CDH8: variants seen among roughly 807,000 people sequenced by gnomAD.
CDH8 encodes the protein cadherin-8.
CDH8 carries 17 observed loss-of-function variants against 68.1 expected under a neutral mutation model. The ratio of observed to expected loss-of-function variants is 0.25; its 90% CI spans 0.17 to 0.37. CDH8 has a LOEUF of 0.37. CDH8 is among the 10% of genes least tolerant of loss of function. The pLI, the probability that CDH8 is intolerant of heterozygous loss-of-function variation, is 1.00. For synonymous variants in CDH8, 372 were observed against 365.1 expected, an observed-to-expected ratio of 1.02 and a Z score of -0.21; for missense variants, 763 against 999.3, an observed-to-expected ratio of 0.76 and a Z score of 3.19.
Position 61,650,700 on chromosome 16 carries a change from TGTGTGTGAGAGAGA to T in CDH8, c.*2894_*2907del, listed in dbSNP as rs1963302925. On this transcript the variant is annotated 3_prime_UTR_variant, in exon 12 of 12. Transcript: ENST00000577390. The stretch of plus-strand genomic sequence containing the variant: ...GTGTGTGTGTGTGTGTGTGTGTGTG[TGTGTGTGAGAGAGA>T]GAGAGAGAGAGAGAGAGAAAGAGAG... The T allele has an allele frequency of 1.0e-5, 1 of 95,954 alleles. No homozygotes were observed. Among genetic ancestry groups the T allele is most frequent in the Non-Finnish European group, 2.2e-5 (1 of 46,060 alleles). 5.9% of individuals were successfully genotyped at this position (95,954 alleles called of 1,614,324 possible).
chr16:62,029,900 AT>A (rs1338061291), intron 1 of CDH8, among the ~76,000 whole-genome samples: 1 of 152,200 alleles, frequency 6.6e-6, no homozygotes, highest in Non-Finnish European at 1.5e-5. Context: ...CAGAAATTAG[AT>A]TTCTCTTCTC....
At chr16:61,892,980 G>A (rs1963803608) in intron 3 of CDH8, among the ~76,000 whole-genome samples, 1 of 152,206 alleles carries the variant, frequency 6.6e-6, no homozygotes, top group African/African-American at 2.4e-5. Context: ...TACATAGTGT[G>A]TTAGTTTCCC....
At chr16:61,706,052 A>G (rs1229849466) in intron 10 of CDH8, among the ~76,000 whole-genome samples, 2 of 152,202 alleles carry the variant, frequency 1.3e-5, no homozygotes, top group African/African-American at 2.4e-5. Context: ...TGAATAAGGG[A>G]AAAAAAGATA....
intron 2 of CDH8, among the ~76,000 whole-genome samples, chr16:62,008,771 A>G (rs1342210854): frequency 6.6e-6 from 1 of 152,176 alleles, no homozygotes; most frequent in Non-Finnish European, 1.5e-5. Flanking sequence ...AGAAGAGAGT[A>G]CTTGAAAAAC....
At chr16:61,747,764 G>C (rs1052794579) in intron 8 of CDH8, among the ~76,000 whole-genome samples, 3 of 151,256 alleles carry the variant, frequency 2.0e-5, no homozygotes, top group Non-Finnish European at 4.4e-5. Context: ...AAAAAAAATT[G>C]TTGGCACACT....
At chr16:62,020,357 A>C (rs1294544454) in intron 2 of CDH8, among the ~76,000 whole-genome samples, 2 of 152,194 alleles carry the variant, frequency 1.3e-5, no homozygotes, top group Admixed American at 1.3e-4. Flanking sequence ...AACAGTTCTG[A>C]GGAATAAACA....
chr16:61,709,665 A>G (rs1964592872), intron 10 of CDH8, among the ~76,000 whole-genome samples: 1 of 152,070 alleles, frequency 6.6e-6, no homozygotes, highest in Non-Finnish European at 1.5e-5. Flanking sequence ...AAGTGATCCC[A>G]ACAATTGGAA....
intron 9 of CDH8, among the ~76,000 whole-genome samples, chr16:61,721,526 T>A (rs1009546953): frequency 6.6e-6 from 1 of 150,920 alleles, no homozygotes; most frequent in African/African-American, 2.4e-5. Context: ...AACCCATTCA[T>A]TGCTAGTGTT....
Position 61,654,112 on chromosome 16 carries a change from A to T in CDH8, c.1907-11T>A. 1 of 1,602,962 alleles carries T rather than the reference A, an allele frequency of 6.2e-7. No homozygotes were observed. Among genetic ancestry groups the T allele is most frequent in the Non-Finnish European group, 8.5e-7 (1 of 1,174,298 alleles). On this transcript the variant is annotated splice_polypyrimidine_tract_variant and intron_variant, in intron 11 of 11. Coordinates refer to ENST00000577390, the MANE Select transcript of CDH8 (RefSeq NM_001796.5). ...ACAGCACCACGATGACTAGAGGAAA[A>T]ATATTAAATAACAGTCAGCCAAACA... is the stretch of plus-strand genomic sequence containing the variant.
intron 2 of CDH8, among the ~76,000 whole-genome samples, chr16:62,013,777 G>A (rs1055273475): frequency 5.9e-5 from 9 of 152,040 alleles, no homozygotes; most frequent in Admixed American, 3.9e-4. Context: ...CTTGTAATAG[G>A]AATCAATACT....
chr16:61,752,375 T>G (rs1286321985), intron 8 of CDH8, among the ~76,000 whole-genome samples: 1 of 152,166 alleles, frequency 6.6e-6, no homozygotes, highest in Non-Finnish European at 1.5e-5. Context: ...GACTTGCACA[T>G]GATATGGACA....
chr16:61,908,161 C>A (rs750520381), intron 2 of CDH8, among the ~76,000 whole-genome samples: 2 of 152,106 alleles, frequency 1.3e-5, no homozygotes, highest in African/African-American at 4.8e-5. Context: ...GCTTAGCACT[C>A]CTGAATCAAA....
intron 2 of CDH8, among the ~76,000 whole-genome samples, chr16:61,936,133 T>A (rs1046995435): frequency 6.6e-6 from 1 of 152,154 alleles, no homozygotes; most frequent in African/African-American, 2.4e-5. Context: ...CTAAATACAT[T>A]AAAAGAATTT....
chr16:61,875,599 G>C (rs1312874337), intron 3 of CDH8, among the ~76,000 whole-genome samples: 1 of 152,138 alleles, frequency 6.6e-6, no homozygotes, highest in Non-Finnish European at 1.5e-5. Flanking sequence ...ACAACCTTCT[G>C]AGTGAGGTAA....
At chr16:61,810,285 T>G (rs1191887288) in intron 7 of CDH8, among the ~76,000 whole-genome samples, 1 of 152,228 alleles carries the variant, frequency 6.6e-6, no homozygotes, top group African/African-American at 2.4e-5. Flanking sequence ...TATCAAAAAT[T>G]CCATCTACAA....
chr16:61,696,984 G>T (rs75661151), intron 10 of CDH8, among the ~76,000 whole-genome samples: 1,528 of 152,076 alleles, frequency 0.01, 29 homozygotes, highest in African/African-American at 0.035. Flanking sequence ...CTACCTCTCA[G>T]GTACCATGCT....
chr16:61,695,074 C>T (rs72796876), intron 10 of CDH8, among the ~76,000 whole-genome samples: 21,628 of 151,942 alleles, frequency 0.14, 1,601 homozygotes, highest in Non-Finnish European at 0.15. Flanking sequence ...CCACCATGCC[C>T]GGCCTTCTTC....
intron 8 of CDH8, among the ~76,000 whole-genome samples, chr16:61,737,339 A>G (rs988406620): frequency 7.9e-5 from 12 of 152,316 alleles, no homozygotes; most frequent in African/African-American, 2.9e-4. Flanking sequence ...AGAAGCTATG[A>G]GCACTAAATT....
intron 2 of CDH8, among the ~76,000 whole-genome samples, chr16:61,959,544 G>C (rs374439654): frequency 0.017 from 1,904 of 112,296 alleles, 11 homozygotes; most frequent in South Asian, 0.048. Context: ...CTCTCTCTCT[G>C]TGTGTGTGTG....
Sources: allele counts gnomAD v4.1 joint callset (sites outside exome capture counted in the v4.1 genomes callset), GRCh38; gene constraint gnomAD v4.1.1; transcripts MANE v1.5; gene names NCBI Gene and HGNC (gene_info 2026-07-23, HGNC 2026-07-21).